PLXNA2: variants seen among roughly 807,000 people sequenced by gnomAD.
PLXNA2 encodes the protein plexin-A2.
Under a neutral mutation model 193.5 loss-of-function variants are expected in PLXNA2, and 91 were observed. The observed-to-expected ratio is 0.47, with a 90% CI of 0.40 to 0.56. PLXNA2 has a LOEUF of 0.56. Ranked by LOEUF, PLXNA2 falls within the 20% of genes least tolerant of loss-of-function variation. The probability of loss-of-function intolerance (pLI) is 0.00; values close to 1 mark genes in which losing one functional copy is unlikely to be tolerated. For synonymous variants in PLXNA2, 997 were observed against 1,027.3 expected (o/e 0.97, Z 0.56); for missense variants, 1,995 against 2,503.2 (o/e 0.80, Z 4.33).
chr1:208,042,028 T>C, intron 22 of PLXNA2, 70 bp downstream of exon 22: 2 of 1,506,432 alleles, frequency 1.3e-6, no homozygotes, highest in Non-Finnish European at 1.8e-6. Flanking sequence ...TTGTGGGGCC[T>C]GCTATAATGA....
intron 3 of PLXNA2, among the ~76,000 whole-genome samples, chr1:208,181,520 A>C (rs1239622223): frequency 1.3e-5 from 2 of 151,996 alleles, no homozygotes; most frequent in Non-Finnish European, 2.9e-5. Flanking sequence ...AAGACCCCTG[A>C]CCTCCACCTC....
chr1:208,100,013 A>T (rs1246041446), intron 5 of PLXNA2, among the ~76,000 whole-genome samples: 2 of 151,986 alleles, frequency 1.3e-5, no homozygotes, highest in Non-Finnish European at 2.9e-5. Context: ...CCTGTTACCT[A>T]CTAGCTGCGA....
chr1:208,078,056 G>C (rs1040924826), intron 12 of PLXNA2, among the ~76,000 whole-genome samples: 17 of 152,306 alleles, frequency 1.1e-4, no homozygotes, highest in African/African-American at 2.9e-4. Context: ...TTTAAAAATG[G>C]TTTTATAATT....
chr1:208,220,337 T>C (rs1671286936), intron 1 of PLXNA2, among the ~76,000 whole-genome samples: 1 of 148,932 alleles, frequency 6.7e-6, no homozygotes, highest in Non-Finnish European at 1.5e-5. Flanking sequence ...AGTATGTACC[T>C]TTCAAGTTGT....
chr1:208,079,142 A>T (rs1234028589), intron 12 of PLXNA2, 118 bp downstream of exon 12: 15 of 857,598 alleles, frequency 1.7e-5, no homozygotes, highest in Non-Finnish European at 2.6e-5. Context: ...ACCCCCCCAC[A>T]TTAAACTCAC....
At chr1:208,143,321 G>A (rs1005818956) in intron 3 of PLXNA2, among the ~76,000 whole-genome samples, 5 of 152,212 alleles carry the variant, frequency 3.3e-5, no homozygotes, top group African/African-American at 1.2e-4. Context: ...ATCACCTGGA[G>A]GGCTTGGTGA....
intron 1 of PLXNA2, among the ~76,000 whole-genome samples, chr1:208,234,452 G>A (rs1671788576): frequency 6.6e-6 from 1 of 152,212 alleles, no homozygotes; most frequent in Admixed American, 6.5e-5. Context: ...TCCTCTCACA[G>A]GCCCCATCCC....
intron 3 of PLXNA2, among the ~76,000 whole-genome samples, chr1:208,160,006 G>GGATTCCATGGAT (rs1183703888): frequency 2.0e-5 from 3 of 152,184 alleles, no homozygotes; most frequent in Non-Finnish European, 4.4e-5. Context: ...GATTCCAGAT[G>GGATTCCATGGAT]GGCTATCAGG....
At chr1:208,219,170 A>T (rs1037545760) in intron 1 of PLXNA2, among the ~76,000 whole-genome samples, 6 of 152,180 alleles carry the variant, frequency 3.9e-5, no homozygotes, top group African/African-American at 1.4e-4. Flanking sequence ...CTCCACTTCC[A>T]GAGCCTTGGT....
chr1:208,190,034 T>C (rs1472035808), intron 3 of PLXNA2, among the ~76,000 whole-genome samples: 1 of 152,162 alleles, frequency 6.6e-6, no homozygotes, highest in African/African-American at 2.4e-5. Context: ...CAAGCTAAAA[T>C]TACCACCCAC....
intron 28 of PLXNA2, among the ~76,000 whole-genome samples, chr1:208,032,624 T>C (rs1241251053): frequency 6.6e-6 from 1 of 152,172 alleles, no homozygotes; most frequent in Admixed American, 6.5e-5. Flanking sequence ...ATTGGCTCTT[T>C]GATTGTCATA....
intron 3 of PLXNA2, among the ~76,000 whole-genome samples, chr1:208,180,025 C>T (rs1669787918): frequency 6.6e-6 from 1 of 152,142 alleles, no homozygotes; most frequent in South Asian, 2.1e-4. Flanking sequence ...TGCCTCCTGC[C>T]CCGCCCCCAC....
At chr1:208,181,405 T>G (rs974474129) in intron 3 of PLXNA2, among the ~76,000 whole-genome samples, 5 of 152,156 alleles carry the variant, frequency 3.3e-5, no homozygotes, top group Admixed American at 6.5e-5. Context: ...AAATCACAGC[T>G]CCAGTGACAG....
At position 208,216,973 on chromosome 1, in the gene PLXNA2, T is replaced by C; in HGVS notation, c.950A>G (p.Lys317Arg). ...YRLLQAAYLA[K>R]PGDSLAQAFN... ...GGCCTGGGCCAGTGAGTCCCCAGGC[T>C]TGGCCAGGTAAGCAGCCTGCAGGAG... Residue 317 changes from lysine (K) to arginine (R), a missense_variant, in exon 2 of 32, where the codon AAG becomes AGG. By Grantham distance (26) the Lys-to-Arg change is conservative. Coordinates refer to ENST00000367033, the MANE Select transcript of PLXNA2 (RefSeq NM_025179.4). The C allele has an allele frequency of 6.2e-7, 1 of 1,613,428 alleles. No individual in the cohort carries two copies.
chr1:208,050,821 C>T, intron 17 of PLXNA2, among the ~76,000 whole-genome samples, 188 bp downstream of exon 17: 1 of 151,710 alleles, frequency 6.6e-6, no homozygotes, highest in East Asian at 1.9e-4. Flanking sequence ...AGGGTGAGGC[C>T]ATGTCTTAAA....
chr1:208,036,951 T>C (rs1664687340), intron 26 of PLXNA2, among the ~76,000 whole-genome samples: 2 of 152,196 alleles, frequency 1.3e-5, no homozygotes, highest in Non-Finnish European at 2.9e-5. Flanking sequence ...CATCATGCTA[T>C]TTTCTTTTGT....
At chr1:208,187,263 C>A (rs1670038485) in intron 3 of PLXNA2, among the ~76,000 whole-genome samples, 1 of 152,130 alleles carries the variant, frequency 6.6e-6, no homozygotes, top group Non-Finnish European at 1.5e-5. Flanking sequence ...CAGCAGTCTC[C>A]AGGGGTGATT....
intron 12 of PLXNA2, among the ~76,000 whole-genome samples, chr1:208,063,455 T>G (rs192852228): frequency 1.3e-5 from 2 of 152,192 alleles, no homozygotes; most frequent in Non-Finnish European, 2.9e-5. Flanking sequence ...AGAAGAAGAC[T>G]TTTTTTGGGT....
At chr1:208,224,334 C>T (rs558199478) in intron 1 of PLXNA2, among the ~76,000 whole-genome samples, 7 of 141,986 alleles carry the variant, frequency 4.9e-5, no homozygotes, top group Non-Finnish European at 9.0e-5. Context: ...TCATTGAGAA[C>T]CAAGAGAGAG....
Sources: allele counts gnomAD v4.1 joint callset (sites outside exome capture counted in the v4.1 genomes callset), GRCh38; gene constraint gnomAD v4.1.1; transcripts MANE v1.5; gene names NCBI Gene and HGNC (gene_info 2026-07-23, HGNC 2026-07-21).